IFT140: variants seen among roughly 807,000 people sequenced by gnomAD.
The protein encoded by IFT140 is intraflagellar transport protein 140 homolog.
IFT140 carries 133 observed loss-of-function variants against 164.6 expected under a neutral mutation model. That is an observed-to-expected ratio of 0.81 (90% CI 0.70 to 0.93). The LOEUF (loss-of-function observed/expected upper bound fraction) is 0.93, where lower values mean the gene tolerates loss of function less well. Ranked by LOEUF, IFT140 falls within the 40% of genes least tolerant of loss-of-function variation. The pLI, the probability that IFT140 is intolerant of heterozygous loss-of-function variation, is 0.00. For synonymous variants in IFT140, 860 were observed against 817.3 expected, an observed-to-expected ratio of 1.05 and a Z score of -0.89; for missense variants, 2,045 against 1,972.3, an observed-to-expected ratio of 1.04 and a Z score of -0.70.
intron 13 of IFT140, among the ~76,000 whole-genome samples, chr16:1,571,840 T>C (rs934525089): frequency 6.6e-6 from 1 of 152,118 alleles, no homozygotes; most frequent in Non-Finnish European, 1.5e-5. Context: ...AATACATATG[T>C]AATCTCAGCT....
At chr16:1,536,357 G>T (rs1018521400) in intron 19 of IFT140, among the ~76,000 whole-genome samples, 9 of 152,174 alleles carry the variant, frequency 5.9e-5, no homozygotes, top group Admixed American at 2.6e-4. Flanking sequence ...CAGGACACAC[G>T]AGGCCCCTCA....
intron 30 of IFT140, among the ~76,000 whole-genome samples, chr16:1,511,781 A>G (rs1485842559): frequency 6.6e-6 from 1 of 152,038 alleles, no homozygotes; most frequent in African/African-American, 2.4e-5. Flanking sequence ...GCTGCCTTAC[A>G]TGCTGACAAA....
intron 20 of IFT140, 27 bp downstream of exon 20, chr16:1,526,590 CCA>C (rs2040704834): frequency 6.7e-7 from 1 of 1,493,522 alleles, no homozygotes; most frequent in African/African-American, 1.4e-5. Flanking sequence ...TGGTGCCTTC[CCA>C]CCCACCCCAT....
chr16:1,607,358 G>A (rs1159125758), intron 2 of IFT140, 61 bp from the exon 3 acceptor site: 2 of 1,366,218 alleles, frequency 1.5e-6, no homozygotes, highest in Non-Finnish European at 2.0e-6. Context: ...CAATATGACT[G>A]TACATGGAAT....
In IFT140 at chr16:1,524,905, C is replaced by A. The variant is rs148240226; in HGVS notation, c.2876G>T (p.Arg959Leu). ...GCTCTCCAGGTACTGCGCCCACCAC[C>A]GCCACAGGGTCCTGCGGGCAGCCCA... is the stretch of plus-strand genomic sequence containing the variant. ...VNKMKDKTLW[R>L]WWAQYLESQG... is the part of the protein sequence containing the mutation. The change falls in exon 23 of 31, where the codon CGG becomes CTG. Residue 959 changes from arginine to leucine, a missense_variant. Coordinates refer to ENST00000426508, the MANE Select transcript of IFT140 (RefSeq NM_014714.4). 1 of 1,608,328 alleles carries A rather than the reference C, an allele frequency of 6.2e-7. No individual in the cohort carries two copies. Among genetic ancestry groups the A allele is most frequent in the Non-Finnish European group, 8.5e-7 (1 of 1,177,990 alleles).
In IFT140 at chr16:1,554,051, A is replaced by G. The variant is rs114413072; in HGVS notation, c.2399+3884T>C. ...CTCTGGTTTCAGGCTCTGGAAAGAGAGGGGAAAGCATGGAAGGAAAATCTG... is the reference window on the plus strand; with the variant it reads ...CTCTGGTTTCAGGCTCTGGAAAGAGGGGGGAAAGCATGGAAGGAAAATCTG... On this transcript the variant is annotated intron_variant, in intron 19 of 30. Transcript: ENST00000426508. 1,387 of 1,287,076 alleles carry G rather than the reference A, an allele frequency of 1.1e-3. 11 individuals carry two copies. The African/African-American group carries it at 0.02, about 18-fold the overall frequency. The allele number at this position is 1,287,076 out of a possible 1,614,324, so 79.7% of individuals were successfully genotyped here.
At chr16:1,574,978 G>A (rs548764454) in intron 13 of IFT140, among the ~76,000 whole-genome samples, 176 of 152,320 alleles carry the variant, frequency 1.2e-3, no homozygotes, top group Non-Finnish European at 2.2e-3. Flanking sequence ...CATGCTGGGT[G>A]TCCAAGAAGG....
At chr16:1,559,623 C>T (rs145464572) in intron 18 of IFT140, among the ~76,000 whole-genome samples, 1 of 152,244 alleles carries the variant, frequency 6.6e-6, no homozygotes, top group African/African-American at 2.4e-5. Flanking sequence ...GTGTCCCACA[C>T]AGCAGAGGAA....
Position 1,554,858 on chromosome 16 carries a change from G to C in IFT140, c.2399+3077C>G, listed in dbSNP as rs749127490. The stretch of plus-strand genomic sequence containing the variant: ...CCAACCTGTCCTGGTCCTGCTACCT[G>C]AACATTGGCGCCTGCCTTCTGGCCA... On this transcript the variant is annotated intron_variant, in intron 19 of 30. Coordinates refer to ENST00000426508, the MANE Select transcript of IFT140 (RefSeq NM_014714.4). 23 of 1,614,096 alleles carry C rather than the reference G, an allele frequency of 1.4e-5. No homozygotes were observed. The highest frequency in any genetic ancestry group is 1.6e-4 in the Middle Eastern group (1 of 6,084).
At chr16:1,568,425 C>T in intron 14 of IFT140, 91 bp from the exon 15 acceptor site, 1 of 1,022,662 alleles carries the variant, frequency 9.8e-7, no homozygotes, top group Non-Finnish European at 1.5e-6. Context: ...CGGATGAGTG[C>T]TGCACAGCTC....
chr16:1,573,482 C>T (rs1283986527), intron 13 of IFT140, among the ~76,000 whole-genome samples: 3 of 152,096 alleles, frequency 2.0e-5, no homozygotes, highest in Non-Finnish European at 1.5e-5. Context: ...CTTGTATTTC[C>T]AACTGTCTCT....
chr16:1,563,380 G>A (rs575299248), intron 17 of IFT140, among the ~76,000 whole-genome samples: 5 of 150,782 alleles, frequency 3.3e-5, no homozygotes, highest in African/African-American at 1.2e-4. Context: ...CTCCGCCTGG[G>A]AGGCGGAGGT....
At chr16:1,512,465 G>C (rs1297461601) in intron 30 of IFT140, among the ~76,000 whole-genome samples, 2 of 152,160 alleles carry the variant, frequency 1.3e-5, no homozygotes, top group Non-Finnish European at 2.9e-5. Flanking sequence ...GCGCTTCCCA[G>C]TTTCTTTTTT....
chr16:1,583,317 C>A lies in IFT140; in HGVS notation c.1429G>T (p.Ala477Ser), dbSNP rs2034677396. 6 of 1,613,974 alleles carry A rather than the reference C, an allele frequency of 3.7e-6. No individual in the cohort carries two copies. The highest frequency in any genetic ancestry group is 5.1e-6 in the Non-Finnish European group (6 of 1,179,858). The change falls in exon 12 of 31, where the codon GCA becomes TCA. Residue 477 changes from alanine to serine, a missense_variant. Transcript: ENST00000426508. ...TGTCCGGGTGAAAAGAACCCACCTG[C>A]ACTCCGTATCGCGGCTCCAGAAAGC... ...FELSGAAIRSAGTFLCETPVL... is the reference protein window; with the variant it reads ...FELSGAAIRSSGTFLCETPVL...
At position 1,520,214 on chromosome 16, in the gene IFT140, C is replaced by T. The variant is rs759479141; in HGVS notation, c.3790G>A (p.Glu1264Lys). The T allele has an allele frequency of 1.2e-6, 2 of 1,614,228 alleles. No individual in the cohort carries two copies. The highest frequency in any genetic ancestry group is 1.3e-5 in the African/African-American group (1 of 75,068). The change falls in exon 28 of 31, where the codon GAG (glutamate) becomes AAG (lysine). Residue 1264 changes from glutamate (E) to lysine (K), a missense_variant. Transcript: ENST00000426508. Reference protein sequence around the residue: ...LQSLDWRKEPEIMKNIIGFYT... With the variant: ...LQSLDWRKEPKIMKNIIGFYT... Reference sequence around the variant, plus strand: ...AAGCCGATGATGTTCTTCATGATCTCCGGCTCCTTCCGCCAGTCCAGGGAC... The same window carrying T: ...AAGCCGATGATGTTCTTCATGATCTTCGGCTCCTTCCGCCAGTCCAGGGAC...
At chr16:1,542,112 G>GC (rs990365426) in intron 19 of IFT140, 1 of 1,532,900 alleles carries the variant, frequency 6.5e-7, no homozygotes, top group Non-Finnish European at 8.8e-7. Flanking sequence ...CCGCGCCCTT[G>GC]CCCCCTGTGG....
intron 30 of IFT140, among the ~76,000 whole-genome samples, chr16:1,516,011 A>G (rs1367890810): frequency 6.6e-6 from 1 of 151,940 alleles, no homozygotes; most frequent in Non-Finnish European, 1.5e-5. Flanking sequence ...GTGGTGGCGC[A>G]TGCCTGTAAT....
At chr16:1,539,355 C>T (rs1230925370) in intron 19 of IFT140, among the ~76,000 whole-genome samples, 1 of 152,268 alleles carries the variant, frequency 6.6e-6, no homozygotes, top group Non-Finnish European at 1.5e-5. Context: ...CCGCCCCACG[C>T]CTTAGGCCTC....
chr16:1,602,386 A>G lies in IFT140; in HGVS notation c.353T>C (p.Leu118Pro). 1 of 1,614,190 alleles carries G rather than the reference A, an allele frequency of 6.2e-7. No homozygotes were observed. The highest frequency in any genetic ancestry group is 1.1e-5 in the South Asian group (1 of 91,084). ...TTGACTCACCCTGTCCCCAGACAGC[A>G]GGCAGTTTCCACTGGGGCTCCAACG... ...VLRWSPSGNC[L>P]LSGDRLGVLL... is the part of the protein sequence containing the mutation. Residue 118 changes from leucine (L) to proline (P), a missense_variant, in exon 4 of 31, where the codon CTG becomes CCG. Leu to Pro is a moderately conservative substitution (Grantham distance 98). Coordinates refer to ENST00000426508, the MANE Select transcript of IFT140 (RefSeq NM_014714.4).
Sources: gnomAD v4.1 joint callset for allele counts (sites outside exome capture counted in the v4.1 genomes callset) on GRCh38, gnomAD v4.1.1 for gene constraint, MANE v1.5 for transcripts, NCBI Gene and HGNC (gene_info 2026-07-23, HGNC 2026-07-21) for gene names.